Variants in GALNT17 observed in about 807,000 individuals in gnomAD.
GALNT17 encodes the protein polypeptide N-acetylgalactosaminyltransferase 17, also known as UDP-GalNAc:polypeptide N-acetylgalactosaminyltransferase-like 3.
Under a neutral mutation model 63.7 loss-of-function variants are expected in GALNT17, and 29 were observed. The ratio of observed to expected loss-of-function variants is 0.46; its 90% CI spans 0.34 to 0.62. GALNT17 has a LOEUF of 0.62. Among genes scored for constraint, GALNT17 ranks in the 20% least tolerant of loss-of-function variants. The pLI is 0.01. For synonymous variants in GALNT17, 305 were observed against 318.3 expected (o/e 0.96, Z 0.45); for missense variants, 603 against 799.6 (o/e 0.75, Z 2.97).
intron 1 of GALNT17, among the ~76,000 whole-genome samples, chr7:71,188,057 A>C (rs968448385): frequency 1.3e-5 from 2 of 152,192 alleles, no homozygotes; most frequent in Non-Finnish European, 2.9e-5. Context: ...GAATGCCATT[A>C]ATTCATTCAT....
chr7:71,576,718 A>G (rs1789544493), intron 6 of GALNT17, among the ~76,000 whole-genome samples: 3 of 152,056 alleles, frequency 2.0e-5, no homozygotes, highest in Admixed American at 2.0e-4. Context: ...CTACAGGCAC[A>G]CACCATACTT....
rs749011784 is a variant in GALNT17 at position 71,710,855 on chromosome 7, A to G, written c.1595A>G (p.Lys532Arg). The change falls in exon 10 of 11, where the codon AAG (lysine) becomes AGG (arginine). Residue 532 changes from lysine (K) to arginine (R), a missense_variant. By Grantham distance (26) the Lys-to-Arg change is conservative. Coordinates refer to ENST00000333538, the MANE Select transcript of GALNT17 (RefSeq NM_022479.3). ...ACCCGCTGCCTGGTGGACAACTCCA[A>G]GAGTCGGCTGCCCCAGCTCCTGGAC... ...PDTRCLVDNS[K>R]SRLPQLLDCD... The G allele has an allele frequency of 1.2e-6, 2 of 1,613,958 alleles. No individual in the cohort carries two copies. Among genetic ancestry groups the G allele is most frequent in the Non-Finnish European group, 1.7e-6 (2 of 1,180,012 alleles).
chr7:71,223,640 T>C (rs1789628151), intron 1 of GALNT17, among the ~76,000 whole-genome samples: 1 of 152,142 alleles, frequency 6.6e-6, no homozygotes, highest in Non-Finnish European at 1.5e-5. Context: ...GTCGTACAGA[T>C]TATTCCATCA....
At chr7:71,207,587 G>A (rs1421921318) in intron 1 of GALNT17, among the ~76,000 whole-genome samples, 2 of 152,134 alleles carry the variant, frequency 1.3e-5, no homozygotes, top group Admixed American at 1.3e-4. Context: ...AGGGAGGTAG[G>A]GTACACGTCA....
At chr7:71,693,269 C>T (rs1050790021) in intron 9 of GALNT17, among the ~76,000 whole-genome samples, 2 of 99,136 alleles carry the variant, frequency 2.0e-5, no homozygotes, top group African/African-American at 9.8e-5. Flanking sequence ...CACATACACA[C>T]ACACACACAC....
intron 9 of GALNT17, among the ~76,000 whole-genome samples, chr7:71,690,234 C>G (rs1208999128): frequency 2.0e-5 from 3 of 151,970 alleles, no homozygotes; most frequent in African/African-American, 7.3e-5. Flanking sequence ...CCATGTTGGC[C>G]AGGATGGTCT....
At chr7:71,614,815 AAGAG>A (rs757811951) in intron 6 of GALNT17, among the ~76,000 whole-genome samples, 20 of 141,260 alleles carry the variant, frequency 1.4e-4, no homozygotes, top group East Asian at 2.0e-4. Context: ...GTAATAGAGA[AAGAG>A]AGAGAATGAA....
At chr7:71,190,670 C>T (rs1357577113) in intron 1 of GALNT17, among the ~76,000 whole-genome samples, 1 of 152,020 alleles carries the variant, frequency 6.6e-6, no homozygotes, top group Non-Finnish European at 1.5e-5. Flanking sequence ...CTTGCTTTGT[C>T]ACCCAGGCTG....
chr7:71,350,866 C>T (rs1009555216), intron 2 of GALNT17, among the ~76,000 whole-genome samples: 3 of 152,102 alleles, frequency 2.0e-5, no homozygotes, highest in Non-Finnish European at 4.4e-5. Context: ...AGCGGCTGGG[C>T]GCAGTGAGTC....
chr7:71,368,923 G>T (rs568930657), intron 2 of GALNT17, among the ~76,000 whole-genome samples: 3 of 83,314 alleles, frequency 3.6e-5, no homozygotes, highest in East Asian at 5.8e-4. Context: ...CTCGGGGGTG[G>T]GGGGGGGTGT....
At chr7:71,633,080 G>A (rs1475191725) in intron 6 of GALNT17, among the ~76,000 whole-genome samples, 6 of 148,394 alleles carry the variant, frequency 4.0e-5, no homozygotes, top group Admixed American at 3.4e-4. Context: ...CTCCAGCCTG[G>A]GCGACAGAGT....
chr7:71,587,230 GTTGGCCAGGCTGGTCTCGAACTT>G (rs988864465), intron 6 of GALNT17, among the ~76,000 whole-genome samples: 2 of 152,060 alleles, frequency 1.3e-5, no homozygotes, highest in South Asian at 4.2e-4. Context: ...GTTTCACCAT[GTTGGCCAGGCTGGTCTCGAACTT>G]TTGGCCTCAA....
At position 71,373,875 on chromosome 7, in the gene GALNT17, G is replaced by A. The variant is rs574825503; in HGVS notation, c.423-14360G>A. Among the ~76,000 whole-genome samples the A allele has an allele frequency of 4.6e-5, 7 of 152,134 alleles. No homozygotes were observed. In the South Asian group the frequency reaches 1.2e-3, roughly 27 times the overall value. On this transcript the variant is annotated intron_variant, in intron 2 of 10. Transcript: ENST00000333538. ...TCCCAATGATAAAATCTAACCACACGTTTCTCCAAACATATCATATTGTTA... is the reference window on the plus strand; with the variant it reads ...TCCCAATGATAAAATCTAACCACACATTTCTCCAAACATATCATATTGTTA...
At chr7:71,654,162 C>T (rs1302882335) in intron 6 of GALNT17, among the ~76,000 whole-genome samples, 6 of 151,878 alleles carry the variant, frequency 4.0e-5, no homozygotes, top group Non-Finnish European at 5.9e-5. Context: ...ATTACAAGCA[C>T]CTGCCACCAC....
chr7:71,632,851 C>G (rs528321913), intron 6 of GALNT17, among the ~76,000 whole-genome samples: 27 of 152,016 alleles, frequency 1.8e-4, no homozygotes, highest in African/African-American at 6.3e-4. Flanking sequence ...TGCCTGTAAT[C>G]CCAGCAATTT....
At chr7:71,595,850 G>A (rs1789877745) in intron 6 of GALNT17, among the ~76,000 whole-genome samples, 1 of 152,164 alleles carries the variant, frequency 6.6e-6, no homozygotes, top group Non-Finnish European at 1.5e-5. Context: ...CAGGAAGATT[G>A]TGGGGGATGA....
chr7:71,645,410 G>A (rs537844666), intron 6 of GALNT17, among the ~76,000 whole-genome samples: 7 of 152,258 alleles, frequency 4.6e-5, no homozygotes, highest in African/African-American at 1.7e-4. Context: ...TTTTATAAGT[G>A]TTTGACAGTT....
chr7:71,416,285 G>A (rs1335846999), intron 4 of GALNT17, among the ~76,000 whole-genome samples: 2 of 152,154 alleles, frequency 1.3e-5, no homozygotes. Flanking sequence ...TGGCATCATC[G>A]TCATCATCAT....
At position 71,433,992 on chromosome 7, in the gene GALNT17, C is replaced by T. The variant is rs148962451; in HGVS notation, c.962+12887C>T. On this transcript the variant is annotated intron_variant, in intron 5 of 10. Coordinates refer to ENST00000333538, the MANE Select transcript of GALNT17 (RefSeq NM_022479.3). Reference sequence around the variant, plus strand: ...GACTAGATTGGCTGAGTCTTCTGGCCTCCATCTTTTTCCTGTGCCAAATGC... The same window carrying T: ...GACTAGATTGGCTGAGTCTTCTGGCTTCCATCTTTTTCCTGTGCCAAATGC... Among the ~76,000 whole-genome samples, 523 of 152,242 alleles carry T rather than the reference C, an allele frequency of 3.4e-3. 4 individuals carry two copies. The highest frequency in any genetic ancestry group is 0.012 in the African/African-American group (508 of 41,550).
Sources: gnomAD v4.1 joint callset for allele counts (sites outside exome capture counted in the v4.1 genomes callset) on GRCh38, gnomAD v4.1.1 for gene constraint, MANE v1.5 for transcripts, NCBI Gene and HGNC (gene_info 2026-07-23, HGNC 2026-07-21) for gene names.